OR8I2: variants seen among roughly 807,000 people sequenced by gnomAD.
OR8I2 encodes the protein olfactory receptor family 8 subfamily I member 2, also known as olfactory receptor 8I2.
For synonymous variants in OR8I2, 158 were observed against 142.8 expected (o/e 1.11, Z -0.76); for missense variants, 431 against 368.3 (o/e 1.17, Z -1.39).
chr11:56,093,694 C>T lies in OR8I2; in HGVS notation c.387C>T (p.Pro129=). The stretch of plus-strand genomic sequence containing the variant: ...ATCGCTACATAGCAATCTGCAATCC[C>T]TTACTGTATTCAGTAGTCATGTCCC... ...AYNRYIAICN[P]LLYSVVMSQK... The change falls in exon 1 of 1, where the codon CCC becomes CCT. Residue 129 remains proline (P), a synonymous_variant. Coordinates refer to ENST00000302124, the MANE Select transcript of OR8I2 (RefSeq NM_001003750.1). The T allele has an allele frequency of 6.2e-7, 1 of 1,614,004 alleles. No individual in the cohort carries two copies.
In OR8I2 at chr11:56,093,749, C is replaced by A; in HGVS notation, c.442C>A (p.Pro148Thr). ...AGTGTCCAACTGGCTGGGAGTAATGCCATATGTGATAGGCTTCACAAGCTC... is the reference window on the plus strand; with the variant it reads ...AGTGTCCAACTGGCTGGGAGTAATGACATATGTGATAGGCTTCACAAGCTC... ...QKVSNWLGVMPYVIGFTSSLI... is the reference protein window; with the variant it reads ...QKVSNWLGVMTYVIGFTSSLI... The change falls in exon 1 of 1, where the codon CCA becomes ACA. Residue 148 changes from proline to threonine, a missense_variant. Coordinates refer to ENST00000302124, the MANE Select transcript of OR8I2 (RefSeq NM_001003750.1). The A allele has an allele frequency of 6.2e-7, 1 of 1,613,956 alleles. No homozygotes were observed.
In OR8I2 at chr11:56,093,635, TGTGA is replaced by T. The variant is rs1853911739; in HGVS notation, c.332_335del (p.Glu111ValfsTer13). The T allele has an allele frequency of 6.2e-7, 1 of 1,613,894 alleles. No homozygotes were observed. The highest frequency in any genetic ancestry group is 1.3e-5 in the African/African-American group (1 of 74,922). The stretch of plus-strand genomic sequence containing the variant: ...GTACTTTTTTGTTGGATTGGTGTGT[TGTGA>T]GTGTTTCCTTCTGGGATCAATGGCC... On this transcript the variant is annotated frameshift_variant, in exon 1 of 1. Coordinates refer to ENST00000302124, the MANE Select transcript of OR8I2 (RefSeq NM_001003750.1). LOFTEE classifies it low-confidence loss of function (END_TRUNC).
chr11:56,093,848 A>G lies in OR8I2; in HGVS notation c.541A>G (p.Thr181Ala), dbSNP rs1471010040. Reference protein sequence around the residue: ...SSINHFFCDTTALLALSCVDT... With the variant: ...SSINHFFCDTAALLALSCVDT... ...CATCAATCATTTTTTTTGTGACACCACAGCTCTTTTAGCACTCTCCTGTGT... is the reference window on the plus strand; with the variant it reads ...CATCAATCATTTTTTTTGTGACACCGCAGCTCTTTTAGCACTCTCCTGTGT... Residue 181 changes from threonine to alanine, a missense_variant, in exon 1 of 1, where the codon ACA becomes GCA. Physicochemically the swap from Thr to Ala is moderately conservative, Grantham distance 58. Coordinates refer to ENST00000302124, the MANE Select transcript of OR8I2 (RefSeq NM_001003750.1). 6.2e-7 allele frequency: 1 copy of G among 1,613,970 alleles called. No homozygotes were observed. Among genetic ancestry groups the G allele is most frequent in the Non-Finnish European group, 8.5e-7 (1 of 1,179,950 alleles).
chr11:56,093,915 G>A lies in OR8I2; in HGVS notation c.608G>A (p.Gly203Glu), dbSNP rs746242992. The A allele has an allele frequency of 6.2e-7, 1 of 1,613,880 alleles. No homozygotes were observed. Among genetic ancestry groups the A allele is most frequent in the Non-Finnish European group, 8.5e-7 (1 of 1,179,936 alleles). The stretch of plus-strand genomic sequence containing the variant: ...GAAATGGTGAGCTTTGTCTTAGCTG[G>A]ATTCACTCTTCTTAGCTCTCTCCTT... The part of the protein sequence containing the change: ...GTEMVSFVLA[G>E]FTLLSSLLII... The change falls in exon 1 of 1, where the codon GGA becomes GAA. Residue 203 changes from glycine to glutamate, a missense_variant. Physicochemically the swap from Gly to Glu is moderately conservative, Grantham distance 98. Coordinates refer to ENST00000302124, the MANE Select transcript of OR8I2 (RefSeq NM_001003750.1).
In OR8I2 at chr11:56,094,116, C is replaced by A. The variant is rs749476782; in HGVS notation, c.809C>A (p.Ala270Glu). The change falls in exon 1 of 1, where the codon GCG becomes GAG. Residue 270 changes from alanine (A) to glutamate (E), a missense_variant. Ala to Glu is a moderately radical substitution (Grantham distance 107). Transcript: ENST00000302124. ...GATAACACATCATCGCTGACCCAGG[C>A]GCAGGTGGCATCTGTATTCTATACG... ...QPDNTSSLTQ[A>E]QVASVFYTIV... 1.9e-6 allele frequency: 3 copies of A among 1,613,806 alleles called. No individual in the cohort carries two copies. Among genetic ancestry groups the A allele is most frequent in the Admixed American group, 1.7e-5 (1 of 59,920 alleles).
In OR8I2 at chr11:56,094,067, C is replaced by T. The variant is rs199721290; in HGVS notation, c.760C>T (p.Leu254=). 2.2e-4 allele frequency: 358 copies of T among 1,614,002 alleles called. No homozygotes were observed. In the East Asian group the frequency reaches 4.5e-3, roughly 20 times the overall value. Residue 254 remains leucine (L), a synonymous_variant, in exon 1 of 1, where the codon CTG becomes TTG. Coordinates refer to ENST00000302124, the MANE Select transcript of OR8I2 (RefSeq NM_001003750.1). The stretch of plus-strand genomic sequence containing the variant: ...GGCTGTAACTATCTTTTATGGGTCT[C>T]TGATTTTCACCTATTTGCAACCTGA... ...LMAVTIFYGS[L]IFTYLQPDNT... is the part of the protein sequence containing the mutation.
rs1326700791 is a variant in OR8I2 at position 56,094,042 on chromosome 11, G to T, written c.735G>T (p.Met245Ile). 2 of 1,613,856 alleles carry T rather than the reference G, an allele frequency of 1.2e-6. No individual in the cohort carries two copies. The highest frequency in any genetic ancestry group is 1.3e-5 in the African/African-American group (1 of 74,862). Residue 245 changes from methionine to isoleucine, a missense_variant, in exon 1 of 1, where the codon ATG becomes ATT. Transcript: ENST00000302124. ...TCTCCACCTGCGCATCCCACCTCAT[G>T]GCTGTAACTATCTTTTATGGGTCTC... ...KAFSTCASHL[M>I]AVTIFYGSLI...
chr11:56,093,976 C>T lies in OR8I2; in HGVS notation c.669C>T (p.Ala223=). 1 of 1,614,016 alleles carries T rather than the reference C, an allele frequency of 6.2e-7. No homozygotes were observed. The highest frequency in any genetic ancestry group is 8.5e-7 in the Non-Finnish European group (1 of 1,179,994). The change falls in exon 1 of 1, where the codon GCC becomes GCT. Residue 223 remains alanine, a synonymous_variant. Coordinates refer to ENST00000302124, the MANE Select transcript of OR8I2 (RefSeq NM_001003750.1). ...ITVTYIIIIS[A]ILRIQSAAGR... ...TCACTTATATCATCATCATCTCAGC[C>T]ATCCTGAGGATCCAGTCAGCAGCAG...
chr11:56,093,709 A>G lies in OR8I2; in HGVS notation c.402A>G (p.Val134=), dbSNP rs763333310. ...TCTGCAATCCCTTACTGTATTCAGT[A>G]GTCATGTCCCAAAAAGTGTCCAACT... The part of the protein sequence containing the change: ...IAICNPLLYS[V]VMSQKVSNWL... Residue 134 remains valine, a synonymous_variant, in exon 1 of 1, where the codon GTA becomes GTG. Coordinates refer to ENST00000302124, the MANE Select transcript of OR8I2 (RefSeq NM_001003750.1). The G allele has an allele frequency of 3.7e-6, 6 of 1,614,042 alleles. No homozygotes were observed. In the South Asian group the frequency reaches 6.6e-5, roughly 18 times the overall value.
Position 56,094,140 on chromosome 11 carries a change from C to A in OR8I2, c.833C>A (p.Thr278Lys), listed in dbSNP as rs140206966. 4.3e-4 allele frequency: 695 copies of A among 1,610,982 alleles called. No individual in the cohort carries two copies. Among genetic ancestry groups the A allele is most frequent in the Non-Finnish European group, 5.5e-4 (652 of 1,177,666 alleles). The change falls in exon 1 of 1, where the codon ACG becomes AAG. Residue 278 changes from threonine (T) to lysine (K), a missense_variant. Physicochemically the swap from Thr to Lys is moderately conservative, Grantham distance 78. Transcript: ENST00000302124. ...TQAQVASVFY[T>K]IVIPMLNPLI... ...GCGCAGGTGGCATCTGTATTCTATA[C>A]GATTGTCATTCCCATGCTGAATCCA...
At position 56,093,884 on chromosome 11, in the gene OR8I2, G is replaced by C. The variant is rs751024343; in HGVS notation, c.577G>C (p.Gly193Arg). ...AGCACTCTCCTGTGTAGATACATTCGGCACAGAAATGGTGAGCTTTGTCTT... is the reference window on the plus strand; with the variant it reads ...AGCACTCTCCTGTGTAGATACATTCCGCACAGAAATGGTGAGCTTTGTCTT... ...LLALSCVDTF[G>R]TEMVSFVLAG... Residue 193 changes from glycine (G) to arginine (R), a missense_variant, in exon 1 of 1, where the codon GGC becomes CGC. Transcript: ENST00000302124. 4 of 1,613,678 alleles carry C rather than the reference G, an allele frequency of 2.5e-6. No individual in the cohort carries two copies. Among genetic ancestry groups the C allele is most frequent in the South Asian group, 2.2e-5 (2 of 91,084 alleles).
rs1565043873 is a variant in OR8I2, at chr11:56,094,092, A to G, written c.785A>G (p.Asp262Gly). Reference protein sequence around the residue: ...GSLIFTYLQPDNTSSLTQAQV... With the variant: ...GSLIFTYLQPGNTSSLTQAQV... ...CTGATTTTCACCTATTTGCAACCTG[A>G]TAACACATCATCGCTGACCCAGGCG... is the stretch of plus-strand genomic sequence containing the variant. Residue 262 changes from aspartate to glycine, a missense_variant, in exon 1 of 1, where the codon GAT becomes GGT. Physicochemically the swap from Asp to Gly is moderately conservative, Grantham distance 94. Transcript: ENST00000302124. 4 of 1,613,930 alleles carry G rather than the reference A, an allele frequency of 2.5e-6. No homozygotes were observed. The African/African-American group carries it at 4.0e-5, about 16-fold the overall frequency.
Position 56,094,049 on chromosome 11 carries a change from A to C in OR8I2, c.742A>C (p.Thr248Pro), listed in dbSNP as rs760242969. The change falls in exon 1 of 1, where the codon ACT (threonine) becomes CCT (proline). Residue 248 changes from threonine to proline, a missense_variant. Transcript: ENST00000302124. Reference protein sequence around the residue: ...STCASHLMAVTIFYGSLIFTY... With the variant: ...STCASHLMAVPIFYGSLIFTY... Reference sequence around the variant, plus strand: ...CTGCGCATCCCACCTCATGGCTGTAACTATCTTTTATGGGTCTCTGATTTT... The same window carrying C: ...CTGCGCATCCCACCTCATGGCTGTACCTATCTTTTATGGGTCTCTGATTTT... 6.2e-7 allele frequency: 1 copy of C among 1,614,006 alleles called. No homozygotes were observed.
In OR8I2 at chr11:56,093,507, C is replaced by T. The variant is rs1383075647; in HGVS notation, c.200C>T (p.Ala67Val). Residue 67 changes from alanine to valine, a missense_variant, in exon 1 of 1, where the codon GCA (alanine) becomes GTA (valine). Coordinates refer to ENST00000302124, the MANE Select transcript of OR8I2 (RefSeq NM_001003750.1). ...ATGTACTTTTTCCTGAGCAATTTAG[C>T]ATTTATTGACATATTTTACTCCTCT... ...TPMYFFLSNL[A>V]FIDIFYSSTV... 3.1e-6 allele frequency: 5 copies of T among 1,613,826 alleles called. No homozygotes were observed. The East Asian group carries it at 1.1e-4, about 36-fold the overall frequency.
At position 56,094,065 on chromosome 11, in the gene OR8I2, C is replaced by A. The variant is rs1853919033; in HGVS notation, c.758C>A (p.Ser253Tyr). 1 of 1,613,962 alleles carries A rather than the reference C, an allele frequency of 6.2e-7. No individual in the cohort carries two copies. Among genetic ancestry groups the A allele is most frequent in the Non-Finnish European group, 8.5e-7 (1 of 1,179,976 alleles). ...HLMAVTIFYG[S>Y]LIFTYLQPDN... ...ATGGCTGTAACTATCTTTTATGGGT[C>A]TCTGATTTTCACCTATTTGCAACCT... is the stretch of plus-strand genomic sequence containing the variant. Residue 253 changes from serine to tyrosine, a missense_variant, in exon 1 of 1, where the codon TCT (serine) becomes TAT (tyrosine). By Grantham distance (144) the Ser-to-Tyr change is moderately radical. Coordinates refer to ENST00000302124, the MANE Select transcript of OR8I2 (RefSeq NM_001003750.1).
rs752960753 is a variant in OR8I2, at chr11:56,093,733, C to A, written c.426C>A (p.Asn142Lys). ...TAGTCATGTCCCAAAAAGTGTCCAA[C>A]TGGCTGGGAGTAATGCCATATGTGA... The part of the protein sequence containing the change: ...YSVVMSQKVS[N>K]WLGVMPYVIG... The change falls in exon 1 of 1, where the codon AAC (asparagine) becomes AAA (lysine). Residue 142 changes from asparagine (N) to lysine (K), a missense_variant. Physicochemically the swap from Asn to Lys is moderately conservative, Grantham distance 94. Transcript: ENST00000302124. The A allele has an allele frequency of 6.8e-6, 11 of 1,613,934 alleles. No individual in the cohort carries two copies. Among genetic ancestry groups the A allele is most frequent in the Admixed American group, 1.7e-5 (1 of 59,962 alleles).
rs746053712 is a variant in OR8I2, at chr11:56,093,407, A to T, written c.100A>T (p.Ile34Phe). 1.2e-6 allele frequency: 2 copies of T among 1,613,668 alleles called. No homozygotes were observed. The highest frequency in any genetic ancestry group is 1.3e-5 in the African/African-American group (1 of 74,968). The change falls in exon 1 of 1, where the codon ATT becomes TTT. Residue 34 changes from isoleucine (I) to phenylalanine (F), a missense_variant. Transcript: ENST00000302124. ...QVSLFLMFLF[I>F]YLFTVLGNLG... Reference sequence around the variant, plus strand: ...CAGTCTTTTCTTGATGTTTCTCTTCATTTATCTATTCACTGTTTTGGGAAA... The same window carrying T: ...CAGTCTTTTCTTGATGTTTCTCTTCTTTTATCTATTCACTGTTTTGGGAAA...
In OR8I2 at chr11:56,093,912, C is replaced by G. The variant is rs144146416; in HGVS notation, c.605C>G (p.Ala202Gly). 232 of 1,613,828 alleles carry G rather than the reference C, an allele frequency of 1.4e-4. No homozygotes were observed. Among genetic ancestry groups the G allele is most frequent in the Non-Finnish European group, 1.9e-4 (226 of 1,179,958 alleles). Residue 202 changes from alanine to glycine, a missense_variant, in exon 1 of 1, where the codon GCT (alanine) becomes GGT (glycine). Transcript: ENST00000302124. ...FGTEMVSFVL[A>G]GFTLLSSLLI... is the part of the protein sequence containing the mutation. The stretch of plus-strand genomic sequence containing the variant: ...ACAGAAATGGTGAGCTTTGTCTTAG[C>G]TGGATTCACTCTTCTTAGCTCTCTC...
Position 56,094,055 on chromosome 11 carries a change from T to G in OR8I2, c.748T>G (p.Phe250Val). ...CASHLMAVTI[F>V]YGSLIFTYLQ... is the part of the protein sequence containing the mutation. Reference sequence around the variant, plus strand: ...ATCCCACCTCATGGCTGTAACTATCTTTTATGGGTCTCTGATTTTCACCTA... The same window carrying G: ...ATCCCACCTCATGGCTGTAACTATCGTTTATGGGTCTCTGATTTTCACCTA... Residue 250 changes from phenylalanine (F) to valine (V), a missense_variant, in exon 1 of 1, where the codon TTT (phenylalanine) becomes GTT (valine). Physicochemically the swap from Phe to Val is conservative, Grantham distance 50. Transcript: ENST00000302124. 1 of 1,614,040 alleles carries G rather than the reference T, an allele frequency of 6.2e-7. No individual in the cohort carries two copies. The highest frequency in any genetic ancestry group is 1.3e-5 in the African/African-American group (1 of 75,022).
Sources: allele counts gnomAD v4.1 joint callset, GRCh38; gene constraint gnomAD v4.1.1; transcripts MANE v1.5; gene names NCBI Gene and HGNC (gene_info 2026-07-23, HGNC 2026-07-21).